LGALS4: variants seen among roughly 807,000 people sequenced by gnomAD.
LGALS4 encodes galectin-4.
LGALS4 carries 37 observed loss-of-function variants against 39.6 expected under a neutral mutation model. That is an observed-to-expected ratio of 0.93 (90% confidence interval 0.72 to 1.23). LGALS4 has a LOEUF of 1.23. Among genes scored for constraint, LGALS4 ranks in the 50% most tolerant of loss-of-function variants. The probability of loss-of-function intolerance (pLI) is 0.00; values close to 1 mark genes in which losing one functional copy is unlikely to be tolerated. For synonymous variants in LGALS4, 160 were observed against 165.5 expected (o/e 0.97, Z 0.25); for missense variants, 397 against 433.2 (o/e 0.92, Z 0.74).
chr19:38,809,307 G>A (rs1971464797), intron 2 of LGALS4, among the ~76,000 whole-genome samples: 3 of 150,580 alleles, frequency 2.0e-5, no homozygotes, highest in Non-Finnish European at 2.9e-5. Context: ...AGCCTCCCAA[G>A]TAGCTGGGAT....
chr19:38,810,899 C>CTTT (rs59517682), intron 2 of LGALS4, among the ~76,000 whole-genome samples: 10 of 125,030 alleles, frequency 8.0e-5, no homozygotes, highest in African/African-American at 9.2e-5. Context: ...ACATATTTGA[C>CTTT]TTTTTTTTTT....
intron 7 of LGALS4, 197 bp downstream of exon 7, chr19:38,803,325 A>C (rs191785594): frequency 1.6e-6 from 1 of 619,780 alleles, no homozygotes; most frequent in Non-Finnish European, 2.9e-6. Flanking sequence ...CCCAAGAACA[A>C]ATTTTCTGAG....
rs752605961 is a variant in LGALS4, at chr19:38,812,474, T to C, written c.91A>G (p.Met31Val). Reference sequence around the variant, plus strand: ...GCCACTCCTTGGATGTAAACAGACATTCCCACGTTGAGCCCGCCCGGGATG... The same window carrying C: ...GCCACTCCTTGGATGTAAACAGACACTCCCACGTTGAGCCCGCCCGGGATG... ...QPIPGGLNVGMSVYIQGVASE... is the reference protein window; with the variant it reads ...QPIPGGLNVGVSVYIQGVASE... The change falls in exon 2 of 10, where the codon ATG (methionine) becomes GTG (valine). Residue 31 changes from methionine to valine, a missense_variant. Physicochemically the swap from Met to Val is conservative, Grantham distance 21. Coordinates refer to ENST00000307751, the MANE Select transcript of LGALS4 (RefSeq NM_006149.4). 6.2e-7 allele frequency: 1 copy of C among 1,614,140 alleles called. No individual in the cohort carries two copies. The highest frequency in any genetic ancestry group is 8.5e-7 in the Non-Finnish European group (1 of 1,180,016).
intron 2 of LGALS4, 50 bp downstream of exon 2, chr19:38,812,381 C>T: frequency 1.3e-6 from 2 of 1,536,650 alleles, no homozygotes. Context: ...GCCCAGAGCA[C>T]CCAGTTGGAA....
At chr19:38,803,391 C>T in intron 7 of LGALS4, 131 bp downstream of exon 7, 1 of 886,536 alleles carries the variant, frequency 1.1e-6, no homozygotes, top group South Asian at 1.5e-5. Flanking sequence ...TAAACCTGAC[C>T]ACGAACTCTA....
chr19:38,812,326 C>G, intron 2 of LGALS4, 105 bp downstream of exon 2: 1 of 925,964 alleles, frequency 1.1e-6, no homozygotes, highest in Non-Finnish European at 1.7e-6. Context: ...AAAGAGTCCC[C>G]TCTCCACCAG....
At chr19:38,804,570 C>G (rs148683076) in intron 4 of LGALS4, among the ~76,000 whole-genome samples, 51 of 152,324 alleles carry the variant, frequency 3.3e-4, no homozygotes, top group Non-Finnish European at 6.3e-4. Flanking sequence ...TACTCTCTCT[C>G]TTTCTCTCTG....
Position 38,802,321 on chromosome 19 carries a change from G to T in LGALS4, c.654C>A (p.Gly218=). 2.5e-6 allele frequency: 4 copies of T among 1,613,902 alleles called. No homozygotes were observed. The highest frequency in any genetic ancestry group is 3.4e-6 in the Non-Finnish European group (4 of 1,179,792). Residue 218 remains glycine (G), a synonymous_variant, in exon 8 of 10, where the codon GGC becomes GGA. Coordinates refer to ENST00000307751, the MANE Select transcript of LGALS4 (RefSeq NM_006149.4). Reference sequence around the variant, plus strand: ...CCACCTAGTTTACGTTATACCTCTTGCCTGTGGGAGGCACATAGCCCTTGA... The same window carrying T: ...CCACCTAGTTTACGTTATACCTCTTTCCTGTGGGAGGCACATAGCCCTTGA... ...IIIKGYVPPT[G]KSFAINFKVG... is the part of the protein sequence containing the mutation.
intron 2 of LGALS4, 114 bp downstream of exon 2, chr19:38,812,317 A>T (rs756052233): frequency 3.6e-6 from 3 of 832,022 alleles, no homozygotes; most frequent in Non-Finnish European, 5.8e-6. Flanking sequence ...GGGGCAGAAA[A>T]AGAGTCCCCT....
chr19:38,803,996 A>G, intron 4 of LGALS4, 101 bp from the exon 5 acceptor site: 2 of 1,288,484 alleles, frequency 1.6e-6, no homozygotes, highest in Admixed American at 2.0e-5. Flanking sequence ...CACCACCACC[A>G]CTATGCCAGA....
At position 38,806,523 on chromosome 19, in the gene LGALS4, C is replaced by G; in HGVS notation, c.412G>C (p.Val138Leu). ...GATTGAAGTTGCAGATCCCCATCCA[C>G]TTGCAGGTGGGTGACCATCTGTAGG... ...LPLQMVTHLQ[V>L]DGDLQLQSIN... Residue 138 changes from valine to leucine, a missense_variant, in exon 4 of 10, where the codon GTG becomes CTG. Transcript: ENST00000307751. The G allele has an allele frequency of 6.2e-7, 1 of 1,614,230 alleles. No homozygotes were observed. The highest frequency in any genetic ancestry group is 8.5e-7 in the Non-Finnish European group (1 of 1,180,046).
At chr19:38,802,465 G>T (rs1172941792) in intron 7 of LGALS4, 61 bp from the exon 8 acceptor site, 1 of 1,302,794 alleles carries the variant, frequency 7.7e-7, no homozygotes, top group Non-Finnish European at 1.1e-6. Flanking sequence ...GATGTGGGAA[G>T]AAATTTTCTT....
At chr19:38,811,341 A>G (rs1217786195) in intron 2 of LGALS4, among the ~76,000 whole-genome samples, 6 of 151,928 alleles carry the variant, frequency 3.9e-5, no homozygotes, top group Non-Finnish European at 8.8e-5. Flanking sequence ...TAAATAAACA[A>G]CAGGCTGGGC....
chr19:38,802,510 T>C, intron 7 of LGALS4, 106 bp from the exon 8 acceptor site: 2 of 835,138 alleles, frequency 2.4e-6, no homozygotes, highest in East Asian at 2.6e-5. Flanking sequence ...TTTTTTCTTA[T>C]AAGAGATGGG....
rs866167763 is a variant in LGALS4, at chr19:38,808,994, G to T, written c.135-46C>A. 3 of 1,498,490 alleles carry T rather than the reference G, an allele frequency of 2.0e-6. No homozygotes were observed. The African/African-American group carries it at 4.2e-5, about 21-fold the overall frequency. 92.8% of individuals were successfully genotyped at this position (1,498,490 alleles called of 1,614,324 possible). Reference sequence around the variant, plus strand: ...CATTCCCCTGGTGCCACCTCCCGGGGCCTGGGGGCCTCCTCCAGGAAGCCC... The same window carrying T: ...CATTCCCCTGGTGCCACCTCCCGGGTCCTGGGGGCCTCCTCCAGGAAGCCC... On this transcript the variant is annotated intron_variant, in intron 2 of 9. Coordinates refer to ENST00000307751, the MANE Select transcript of LGALS4 (RefSeq NM_006149.4).
chr19:38,810,597 C>T (rs1170349006), intron 2 of LGALS4, among the ~76,000 whole-genome samples: 2 of 151,926 alleles, frequency 1.3e-5, no homozygotes, highest in South Asian at 2.1e-4. Context: ...CTCCTGACCT[C>T]GTGATCCGCC....
At chr19:38,805,111 C>T (rs560492919) in intron 4 of LGALS4, among the ~76,000 whole-genome samples, 21 of 150,632 alleles carry the variant, frequency 1.4e-4, no homozygotes, top group Non-Finnish European at 2.4e-4. Flanking sequence ...ATACAGTAGG[C>T]TGTGATTGCA....
intron 2 of LGALS4, among the ~76,000 whole-genome samples, chr19:38,809,212 T>C (rs538542500): frequency 1.5e-4 from 22 of 145,202 alleles, no homozygotes; most frequent in Middle Eastern, 3.6e-3. Flanking sequence ...GGAGTCTTGC[T>C]CTGTTGCCCA....
intron 4 of LGALS4, 78 bp downstream of exon 4, chr19:38,806,378 GAAAAA>G (rs1310325217): frequency 7.4e-7 from 1 of 1,356,316 alleles, no homozygotes; most frequent in Non-Finnish European, 1.0e-6. Flanking sequence ...AAAAAAAAAA[GAAAAA>G]AAGAAAAAAA....
Sources: gnomAD v4.1 joint callset for allele counts (sites outside exome capture counted in the v4.1 genomes callset) on GRCh38, gnomAD v4.1.1 for gene constraint, MANE v1.5 for transcripts, NCBI Gene and HGNC (gene_info 2026-07-23, HGNC 2026-07-21) for gene names.